ZNF37A: variants seen among roughly 807,000 people sequenced by gnomAD.
ZNF37A encodes zinc finger protein 37A, also known as zinc finger protein 37a (KOX 21).
Under a neutral mutation model 12.3 loss-of-function variants are expected in ZNF37A, and 10 were observed. That is an observed-to-expected ratio of 0.82 (90% CI 0.50 to 1.38). The LOEUF is 1.38. ZNF37A is among the 40% of genes most tolerant of loss of function. The pLI is 0.00. For synonymous variants in ZNF37A, 207 were observed against 223.0 expected, an observed-to-expected ratio of 0.93 and a Z score of 0.64; for missense variants, 580 against 651.2, an observed-to-expected ratio of 0.89 and a Z score of 1.19.
At chr10:38,114,071 A>G (rs2069042096) in intron 5 of ZNF37A, among the ~76,000 whole-genome samples, 1 of 152,204 alleles carries the variant, frequency 6.6e-6, no homozygotes, top group African/African-American at 2.4e-5. Flanking sequence ...TAAAACTAGT[A>G]GTTGCTAAAA....
At chr10:38,103,260 C>T (rs1340727978) in intron 5 of ZNF37A, among the ~76,000 whole-genome samples, 3 of 152,084 alleles carry the variant, frequency 2.0e-5, no homozygotes, top group Admixed American at 6.6e-5. Context: ...ATGAGTAATC[C>T]CCATCAGTGT....
chr10:38,131,190 C>T (rs568807072), intron 7 of ZNF37A, among the ~76,000 whole-genome samples: 52 of 151,988 alleles, frequency 3.4e-4, no homozygotes, highest in Non-Finnish European at 6.2e-4. Context: ...TTCTTCGATG[C>T]AAAAAAGTTC....
rs781570883 is a variant in ZNF37A, at chr10:38,118,276, AAC to A, written c.1133_1134del (p.Thr378ArgfsTer6). The A allele has an allele frequency of 4.3e-6, 7 of 1,613,972 alleles. No homozygotes were observed. The highest frequency in any genetic ancestry group is 3.3e-5 in the Admixed American group (2 of 59,954). Reference sequence around the variant, plus strand: ...AGTCAGTCCTTACTGTGCATCAGAAAACACACACAGGGGAGAAGCCCTATGAA... The same window carrying A: ...AGTCAGTCCTTACTGTGCATCAGAAAACACACAGGGGAGAAGCCCTATGAA... ...FKSVLTVHQK[T>X]HTGEKPYECY... On this transcript the variant is annotated frameshift_variant, in exon 8 of 8. Coordinates refer to ENST00000685332, the MANE Select transcript of ZNF37A (RefSeq NM_001324250.3). LOFTEE classifies it low-confidence loss of function (END_TRUNC).
chr10:38,127,409 A>C (rs761938034), downstream of ZNF37A, among the ~76,000 whole-genome samples: 4 of 152,236 alleles, frequency 2.6e-5, no homozygotes, highest in Non-Finnish European at 4.4e-5. Flanking sequence ...CTAATATACA[A>C]GTGTTAGAAA....
chr10:38,132,812 C>CT (rs71007699), intron 7 of ZNF37A, among the ~76,000 whole-genome samples: 51 of 147,856 alleles, frequency 3.4e-4, no homozygotes, highest in South Asian at 8.6e-4. Context: ...TTGTTCAAGT[C>CT]TTTTTTTTTT....
At position 38,117,402 on chromosome 10, in the gene ZNF37A, C is replaced by T. The variant is rs1293482908; in HGVS notation, c.251C>T (p.Thr84Ile). ...CTCTGTATTTCAGAATTAATTAATACCAGTAGAAACTATTCAATAATGAAG... is the reference window on the plus strand; with the variant it reads ...CTCTGTATTTCAGAATTAATTAATATCAGTAGAAACTATTCAATAATGAAG... ...PSQSHLELIN[T>I]SRNYSIMKFN... Residue 84 changes from threonine (T) to isoleucine (I), a missense_variant, in exon 8 of 8, where the codon ACC (threonine) becomes ATC (isoleucine). Coordinates refer to ENST00000685332, the MANE Select transcript of ZNF37A (RefSeq NM_001324250.3). 3.5e-5 allele frequency: 54 copies of T among 1,561,890 alleles called. No individual in the cohort carries two copies. Among genetic ancestry groups the T allele is most frequent in the Non-Finnish European group, 4.7e-5 (54 of 1,160,806 alleles).
At chr10:38,117,353 C>G in intron 7 of ZNF37A, 37 bp from the exon 8 acceptor site, 1 of 1,530,984 alleles carries the variant, frequency 6.5e-7, no homozygotes, top group Non-Finnish European at 8.7e-7. Context: ...CTTACATATC[C>G]TCGTCAACTA....
chr10:38,107,649 G>T (rs1363294418), intron 5 of ZNF37A, among the ~76,000 whole-genome samples: 3 of 152,148 alleles, frequency 2.0e-5, no homozygotes, highest in Admixed American at 6.5e-5. Flanking sequence ...CAAAATAAAG[G>T]GATGGAGGAA....
At chr10:38,135,894 G>C (rs2070101275) in intron 7 of ZNF37A, among the ~76,000 whole-genome samples, 1 of 152,186 alleles carries the variant, frequency 6.6e-6, no homozygotes, top group African/African-American at 2.4e-5. Context: ...TGGGGATCAT[G>C]GGGATTACAA....
chr10:38,149,824 C>T (rs2070304199), exon 8 of ZNF37A: 3 of 152,190 alleles, frequency 2.0e-5, no homozygotes, highest in African/African-American at 7.2e-5. Context: ...ATCCGCCCGC[C>T]TTGGTCTCCC....
chr10:38,142,470 G>T (rs184344346), intron 7 of ZNF37A: 1 of 152,154 alleles, frequency 6.6e-6, no homozygotes, highest in East Asian at 1.9e-4. Context: ...TGTGAAAATA[G>T]AACTTCTCAT....
intron 5 of ZNF37A, among the ~76,000 whole-genome samples, chr10:38,111,738 C>T (rs1267357034): frequency 1.3e-5 from 2 of 152,096 alleles, no homozygotes; most frequent in African/African-American, 4.8e-5. Context: ...CTTTAGCATT[C>T]CTTGCAGAGT....
intron 5 of ZNF37A, among the ~76,000 whole-genome samples, chr10:38,114,444 G>A (rs2069074350): frequency 6.6e-6 from 1 of 152,150 alleles, no homozygotes; most frequent in Admixed American, 6.5e-5. Context: ...CTTATGAGAA[G>A]ATATGTTCCT....
exon 8 of ZNF37A, chr10:38,149,097 C>G (rs1271437322): frequency 6.6e-6 from 1 of 152,078 alleles, no homozygotes; most frequent in Non-Finnish European, 1.5e-5. Context: ...CTTCACCTCC[C>G]AAAGTGCTGG....
chr10:38,097,583 CAAAAAAAAAA>C lies in ZNF37A; in HGVS notation c.15+973_15+982del, dbSNP rs71007695. Reference sequence around the variant, plus strand: ...TGGGTGACAGAGTGAGACTCTGTCTCAAAAAAAAAAAAAAAAAAAAAAAAAAAAAAATCAC... The same window carrying C: ...TGGGTGACAGAGTGAGACTCTGTCTCAAAAAAAAAAAAAAAAAAAAATCAC... On this transcript the variant is annotated intron_variant, in intron 5 of 7. Coordinates refer to ENST00000685332, the MANE Select transcript of ZNF37A (RefSeq NM_001324250.3). 9.3e-3 allele frequency among the ~76,000 whole-genome samples: 578 copies of C among 61,932 alleles called. 8 individuals are homozygous for C. The highest frequency in any genetic ancestry group is 0.016 in the Non-Finnish European group (456 of 28,486). 40.6% of individuals were successfully genotyped at this position (61,932 alleles called of 152,430 possible).
At chr10:38,149,663 C>T (rs1305540964) in exon 8 of ZNF37A, 1 of 150,972 alleles carries the variant, frequency 6.6e-6, no homozygotes, top group Non-Finnish European at 1.5e-5. Context: ...CAAGCTCCGC[C>T]TCCTGGGTTC....
rs2069526208 is a variant in ZNF37A at position 38,119,010 on chromosome 10, A to T, written c.*173A>T. Reference sequence around the variant, plus strand: ...AGGAAAACATTATTCTGGAATTTGGACCATACACTATGTTACAAAACTAAA... The same window carrying T: ...AGGAAAACATTATTCTGGAATTTGGTCCATACACTATGTTACAAAACTAAA... On this transcript the variant is annotated 3_prime_UTR_variant, in exon 8 of 8. Coordinates refer to ENST00000685332, the MANE Select transcript of ZNF37A (RefSeq NM_001324250.3). 2 of 1,325,072 alleles carry T rather than the reference A, an allele frequency of 1.5e-6. No homozygotes were observed. The allele number at this position is 1,325,072 out of a possible 1,614,324, so 82.1% of individuals were successfully genotyped here.
intron 7 of ZNF37A, among the ~76,000 whole-genome samples, chr10:38,144,645 C>G (rs1189922448): frequency 6.6e-6 from 1 of 152,228 alleles, no homozygotes; most frequent in East Asian, 1.9e-4. Flanking sequence ...GTGGGTGGCA[C>G]CCCTTGACAA....
At chr10:38,135,507 T>A (rs1416050589) in intron 7 of ZNF37A, among the ~76,000 whole-genome samples, 1 of 152,266 alleles carries the variant, frequency 6.6e-6, no homozygotes, top group Non-Finnish European at 1.5e-5. Flanking sequence ...TTTACACATT[T>A]GTCTTTTAAA....
Sources: allele counts gnomAD v4.1 joint callset (sites outside exome capture counted in the v4.1 genomes callset), GRCh38; gene constraint gnomAD v4.1.1; transcripts MANE v1.5; gene names NCBI Gene and HGNC (gene_info 2026-07-23, HGNC 2026-07-21).